Variants in GNB4 observed in about 807,000 individuals in gnomAD.
GNB4 encodes G protein subunit beta 4.
A neutral mutation model predicts 45.2 loss-of-function variants in GNB4; 28 were observed. That is an observed-to-expected ratio of 0.62 (90% CI 0.46 to 0.85). The LOEUF is 0.85. GNB4 is among the 40% of genes least tolerant of loss of function. The probability of loss-of-function intolerance (pLI) is 0.00; values close to 1 mark genes in which losing one functional copy is unlikely to be tolerated. For missense variants in GNB4, 321 were observed against 425.4 expected, an observed-to-expected ratio of 0.75 and a Z score of 2.16; for synonymous variants, 132 against 143.7, an observed-to-expected ratio of 0.92 and a Z score of 0.58.
At chr3:179,402,184 G>C (rs1466392617) in intron 9 of GNB4, among the ~76,000 whole-genome samples, 1 of 152,150 alleles carries the variant, frequency 6.6e-6, no homozygotes, top group Non-Finnish European at 1.5e-5. Flanking sequence ...AATGAACATT[G>C]TGGCTAAATA....
At chr3:179,525,838 G>A in the GNB4 span, among the ~76,000 whole-genome samples, 20 of 152,248 alleles carry the variant, frequency 1.3e-4, no homozygotes, top group African/African-American at 4.6e-4. Context: ...TTGGTGAGAT[G>A]TTCCTTGGGT....
At position 179,446,914 on chromosome 3, in the gene GNB4, G is replaced by A. The variant is rs538004250; in HGVS notation, c.-43+4432C>T. Among the ~76,000 whole-genome samples, 15 of 152,272 alleles carry A rather than the reference G, an allele frequency of 9.9e-5. 1 individual carries two copies. The South Asian group carries it at 2.9e-3, about 29-fold the overall frequency. On this transcript the variant is annotated intron_variant, in intron 1 of 9. Coordinates refer to ENST00000232564, the MANE Select transcript of GNB4 (RefSeq NM_021629.4). ...CAACAAATATCTGAGTCCCGACCAT[G>A]TGCCAAACATATTCTAGGCTCTAGA...
intron 1 of GNB4, among the ~76,000 whole-genome samples, chr3:179,428,759 C>A (rs1318578413): frequency 6.6e-6 from 1 of 152,158 alleles, no homozygotes. Flanking sequence ...GCATGAGTCG[C>A]TGAGCCCAGG....
At chr3:179,510,420 A>T in the GNB4 span, among the ~76,000 whole-genome samples, 17 of 152,158 alleles carry the variant, frequency 1.1e-4, no homozygotes, top group African/African-American at 3.9e-4. Flanking sequence ...CTTGACTAGG[A>T]TATCTCCCTG....
chr3:179,446,617 A>G (rs934921023), intron 1 of GNB4, among the ~76,000 whole-genome samples: 1 of 152,036 alleles, frequency 6.6e-6, no homozygotes, highest in Non-Finnish European at 1.5e-5. Flanking sequence ...CCAGTTTGTG[A>G]TCTAGGTTCT....
At chr3:179,516,641 C>T in the GNB4 span, among the ~76,000 whole-genome samples, 12 of 152,056 alleles carry the variant, frequency 7.9e-5, no homozygotes, top group East Asian at 3.9e-4. Flanking sequence ...GGCGGGCTAG[C>T]GGCTTGTAAC....
chr3:179,501,799 A>G, the GNB4 span, among the ~76,000 whole-genome samples: 1 of 152,150 alleles, frequency 6.6e-6, no homozygotes, highest in Non-Finnish European at 1.5e-5. Context: ...TGTGTATTCA[A>G]TCCTTCATGA....
At chr3:179,465,132 A>T in the GNB4 span, 6 of 1,324,390 alleles carry the variant, frequency 4.5e-6, no homozygotes, top group Non-Finnish European at 6.5e-6. Flanking sequence ...ATCACAGCAG[A>T]TATGATCAAG....
At chr3:179,430,747 A>C (rs1015736951) in intron 1 of GNB4, among the ~76,000 whole-genome samples, 1 of 151,362 alleles carries the variant, frequency 6.6e-6, no homozygotes, top group Non-Finnish European at 1.5e-5. Flanking sequence ...ATGAGCCACC[A>C]TGCCCAGCCC....
chr3:179,459,617 G>C, the GNB4 span, among the ~76,000 whole-genome samples: 2 of 152,054 alleles, frequency 1.3e-5, no homozygotes, highest in Non-Finnish European at 2.9e-5. Context: ...GGGAGGCAGA[G>C]GATGCGGTGA....
intron 1 of GNB4, among the ~76,000 whole-genome samples, chr3:179,449,412 A>C (rs777779326): frequency 5.3e-5 from 8 of 152,348 alleles, no homozygotes; most frequent in Admixed American, 1.3e-4. Flanking sequence ...CTGGAAAAAC[A>C]AACATGCTTC....
intron 9 of GNB4, among the ~76,000 whole-genome samples, chr3:179,402,257 T>A (rs1714326055): frequency 6.6e-6 from 1 of 152,198 alleles, no homozygotes; most frequent in Admixed American, 6.6e-5. Flanking sequence ...CAATTTTAAG[T>A]TCAAAGTTCC....
the GNB4 span, among the ~76,000 whole-genome samples, chr3:179,484,834 A>ATG: frequency 4.8e-4 from 39 of 82,086 alleles, no homozygotes; most frequent in African/African-American, 1.6e-3. Context: ...ATAGCTATAT[A>ATG]TATGTGTGTG....
chr3:179,402,389 C>T (rs1371368987), intron 9 of GNB4, among the ~76,000 whole-genome samples: 2 of 152,204 alleles, frequency 1.3e-5, no homozygotes, highest in Non-Finnish European at 2.9e-5. Flanking sequence ...CCAGGCAAAA[C>T]ACCAAATATC....
the GNB4 span, among the ~76,000 whole-genome samples, chr3:179,468,002 A>G: frequency 1.4e-5 from 2 of 138,948 alleles, no homozygotes; most frequent in African/African-American, 5.9e-5. Flanking sequence ...ATGAAAAACC[A>G]GTGATAATTT....
At chr3:179,427,004 G>A (rs7618506) in intron 1 of GNB4, among the ~76,000 whole-genome samples, 4,035 of 152,020 alleles carry the variant, frequency 0.027, 177 homozygotes, top group African/African-American at 0.09. Context: ...CTGACCTCAT[G>A]TATCACTCTC....
intron 1 of GNB4, among the ~76,000 whole-genome samples, chr3:179,444,427 T>G (rs1715668846): frequency 6.6e-6 from 1 of 151,096 alleles, no homozygotes; most frequent in Non-Finnish European, 1.5e-5. Flanking sequence ...CAGGGTGTTT[T>G]TTTTTTTTTT....
chr3:179,416,857 T>C (rs1018887816), intron 4 of GNB4, among the ~76,000 whole-genome samples: 5 of 152,218 alleles, frequency 3.3e-5, no homozygotes, highest in African/African-American at 1.2e-4. Flanking sequence ...ACTGGTTTAG[T>C]ACTTACTGAC....
chr3:179,477,060 C>A, the GNB4 span, among the ~76,000 whole-genome samples: 3 of 152,176 alleles, frequency 2.0e-5, no homozygotes, highest in South Asian at 4.2e-4. Context: ...GAGCTCTGAG[C>A]CTGTGATGGT....
Sources: gnomAD v4.1 joint callset for allele counts (sites outside exome capture counted in the v4.1 genomes callset) on GRCh38, gnomAD v4.1.1 for gene constraint, MANE v1.5 for transcripts, NCBI Gene and HGNC (gene_info 2026-07-23, HGNC 2026-07-21) for gene names.